Variants in ABCC1 observed in about 807,000 individuals in gnomAD.
ABCC1 encodes ATP binding cassette subfamily C member 1 (ABCC1 blood group), also known as multidrug resistance-associated protein 1.
Under a neutral mutation model 172.9 loss-of-function variants are expected in ABCC1, and 83 were observed. The observed-to-expected ratio is 0.48, with a 90% CI of 0.40 to 0.58. The LOEUF is 0.58. Ranked by LOEUF, ABCC1 falls within the 20% of genes least tolerant of loss-of-function variation. The pLI is 0.00. For synonymous variants in ABCC1, 937 were observed against 825.2 expected, an observed-to-expected ratio of 1.14 and a Z score of -2.32; for missense variants, 1,817 against 2,002.7, an observed-to-expected ratio of 0.91 and a Z score of 1.77.
intron 26 of ABCC1, among the ~76,000 whole-genome samples, chr16:16,131,207 G>A (rs2045659389): frequency 6.6e-6 from 1 of 152,152 alleles, no homozygotes; most frequent in African/African-American, 2.4e-5. Flanking sequence ...AATTCTGGCA[G>A]ACAAAAATGA....
intron 21 of ABCC1, among the ~76,000 whole-genome samples, chr16:16,110,343 CAA>C (rs1453473565): frequency 1.3e-5 from 2 of 152,256 alleles, no homozygotes; most frequent in East Asian, 3.9e-4. Flanking sequence ...CGCAGCCCCT[CAA>C]AGTGCTGGGA....
chr16:16,105,057 G>T (rs546377164), intron 20 of ABCC1, among the ~76,000 whole-genome samples: 1 of 152,160 alleles, frequency 6.6e-6, no homozygotes, highest in Admixed American at 6.5e-5. Context: ...GCCTTGGCCA[G>T]CCCAGAAAGG....
intron 18 of ABCC1, among the ~76,000 whole-genome samples, chr16:16,090,054 C>G (rs1394451537): frequency 3.9e-5 from 6 of 152,166 alleles, no homozygotes; most frequent in Non-Finnish European, 7.3e-5. Flanking sequence ...CTTGGTACAC[C>G]CGTTCCCCTT....
intron 9 of ABCC1, among the ~76,000 whole-genome samples, chr16:16,046,751 C>T (rs180958133): frequency 3.1e-4 from 47 of 149,282 alleles, no homozygotes; most frequent in African/African-American, 1.2e-3. Context: ...AAATTACCTT[C>T]TTGATCCCTA....
intron 6 of ABCC1, among the ~76,000 whole-genome samples, chr16:16,034,021 A>ATTT (rs1567332583): frequency 4.1e-5 from 2 of 48,990 alleles, no homozygotes; most frequent in Admixed American, 2.8e-4. Flanking sequence ...AATAAGCATC[A>ATTT]TCTTTTTTTT....
chr16:16,132,290 G>C (rs901272343), intron 27 of ABCC1, among the ~76,000 whole-genome samples: 2 of 151,772 alleles, frequency 1.3e-5, no homozygotes, highest in Admixed American at 6.6e-5. Flanking sequence ...CCCAAGTGGG[G>C]GGACTACACA....
At chr16:16,034,689 G>A (rs1356104674) in intron 6 of ABCC1, among the ~76,000 whole-genome samples, 1 of 146,132 alleles carries the variant, frequency 6.8e-6, no homozygotes, top group African/African-American at 2.6e-5. Flanking sequence ...CTGGGTTCAA[G>A]AGATTCTCCT....
rs528346078 is a variant in ABCC1, at chr16:16,131,307, C to T, written c.3820-482C>T. ...TGACCTACTGAGGGATGATCATGTC[C>T]TCTCAGTTTCTGTGCCTTCTACCAC... On this transcript the variant is annotated intron_variant, in intron 26 of 30. Transcript: ENST00000399410. Among the ~76,000 whole-genome samples the T allele has an allele frequency of 9.9e-5, 15 of 152,278 alleles. No homozygotes were observed. In the South Asian group the frequency reaches 2.9e-3, roughly 29 times the overall value.
intron 23 of ABCC1, among the ~76,000 whole-genome samples, chr16:16,120,934 A>G (rs1039549260): frequency 6.6e-6 from 1 of 152,184 alleles, no homozygotes; most frequent in African/African-American, 2.4e-5. Flanking sequence ...CTGTCACTTA[A>G]TGATAACAAT....
chr16:16,059,243 G>A (rs897112236), intron 12 of ABCC1, among the ~76,000 whole-genome samples: 2 of 152,176 alleles, frequency 1.3e-5, no homozygotes, highest in Non-Finnish European at 2.9e-5. Context: ...TCTAGGTGGT[G>A]TGTATGCACA....
chr16:16,087,081 T>C, intron 18 of ABCC1, 90 bp downstream of exon 18: 1 of 1,403,808 alleles, frequency 7.1e-7, no homozygotes, highest in South Asian at 1.3e-5. Context: ...CTTTACTTTC[T>C]CTGGCTTTCT....
chr16:16,034,558 G>A (rs555577632), intron 6 of ABCC1, among the ~76,000 whole-genome samples: 6 of 150,024 alleles, frequency 4.0e-5, no homozygotes, highest in African/African-American at 1.5e-4. Context: ...TTGGGTAAAG[G>A]CATGTAGAGG....
chr16:16,124,871 C>G lies in ABCC1; in HGVS notation c.3673C>G (p.Leu1225Val). 4 of 1,614,194 alleles carry G rather than the reference C, an allele frequency of 2.5e-6. No individual in the cohort carries two copies. The highest frequency in any genetic ancestry group is 3.4e-6 in the Non-Finnish European group (4 of 1,180,034). The change falls in exon 25 of 31, where the codon CTC becomes GTC. Residue 1225 changes from leucine to valine, a missense_variant. This residue lies in a region of ABCC1 where 1,412 missense variants were observed against 1,600.3 expected (regional missense o/e 0.88). Transcript: ENST00000399410. ...ALFAVISRHS[L>V]SAGLVGLSVS... ...GTTTGCGGTGATCTCCAGGCACAGC[C>G]TCAGTGCTGGCTTGGTGGGCCTCTC...
intron 8 of ABCC1, 30 bp downstream of exon 8, chr16:16,044,710 C>T (rs762358097): frequency 6.3e-7 from 1 of 1,585,502 alleles, no homozygotes; most frequent in Admixed American, 1.7e-5. Flanking sequence ...AGGTGGGCTC[C>T]ATTTTCCCTC....
intron 13 of ABCC1, among the ~76,000 whole-genome samples, chr16:16,069,470 G>A (rs2050248994): frequency 6.6e-6 from 1 of 151,954 alleles, no homozygotes; most frequent in Non-Finnish European, 1.5e-5. Context: ...GTGGCTTTCT[G>A]TTTTGTCACA....
chr16:16,070,243 T>C (rs35614), intron 13 of ABCC1, among the ~76,000 whole-genome samples: 126,841 of 151,856 alleles, frequency 0.84, 53,098 homozygotes, highest in African/African-American at 0.87. Flanking sequence ...GTGGGGTGCA[T>C]GCCTGCAGTG....
intron 13 of ABCC1, among the ~76,000 whole-genome samples, chr16:16,071,260 A>C (rs1485565186): frequency 7.7e-6 from 1 of 130,650 alleles, no homozygotes; most frequent in Non-Finnish European, 1.7e-5. Flanking sequence ...AATTTTATGT[A>C]TTTTTTTTTT....
At chr16:15,970,112 T>A (rs2046333659) in intron 1 of ABCC1, among the ~76,000 whole-genome samples, 1 of 152,134 alleles carries the variant, frequency 6.6e-6, no homozygotes, top group Non-Finnish European at 1.5e-5. Flanking sequence ...GCTATGTGTG[T>A]CAAAGACCCC....
At chr16:16,119,966 C>T (rs1485860279) in intron 23 of ABCC1, among the ~76,000 whole-genome samples, 1 of 152,058 alleles carries the variant, frequency 6.6e-6, no homozygotes, top group Non-Finnish European at 1.5e-5. Context: ...TATATCTGAT[C>T]CACATTCCAG....
Sources: gnomAD v4.1 joint callset for allele counts (sites outside exome capture counted in the v4.1 genomes callset) on GRCh38, gnomAD v4.1.1 for gene constraint, gnomAD v4.1.1 regional missense constraint, MANE v1.5 for transcripts, NCBI Gene and HGNC (gene_info 2026-07-23, HGNC 2026-07-21) for gene names.